Variants in CAST observed in about 807,000 individuals in gnomAD.
CAST encodes calpastatin.
In CAST, 76 loss-of-function variants were observed where a neutral mutation model predicts 119.6. That is an observed-to-expected ratio of 0.64 (90% confidence interval 0.53 to 0.77). The LOEUF (loss-of-function observed/expected upper bound fraction) is 0.77. Ranked by LOEUF, CAST falls within the 30% of genes least tolerant of loss-of-function variation. CAST has a pLI of 0.00. For missense variants in CAST, 953 were observed against 946.5 expected (o/e 1.01, Z -0.09); for synonymous variants, 319 against 331.6 (o/e 0.96, Z 0.41).
the CAST span, among the ~76,000 whole-genome samples, chr5:96,083,784 C>T: frequency 9.7e-4 from 148 of 152,296 alleles, no homozygotes; most frequent in African/African-American, 3.3e-3. Context: ...CTGTCAGCTG[C>T]TGCAGATGAA....
At position 96,770,622 on chromosome 5, in the gene CAST, T is replaced by G. The variant is rs753172662; in HGVS notation, c.2340+20T>G. On this transcript the variant is annotated intron_variant, in intron 30 of 31. Coordinates refer to ENST00000675179, the MANE Select transcript of CAST (RefSeq NM_001750.7). ...GCAAAGGTAAATGGAGCAGTAAATA[T>G]ACTACAAATTAGTTTAGCAGTTACA... The G allele has an allele frequency of 1.3e-6, 2 of 1,511,546 alleles. No homozygotes were observed. Among genetic ancestry groups the G allele is most frequent in the African/African-American group, 2.7e-5 (2 of 72,850 alleles). The allele number at this position is 1,511,546 out of a possible 1,614,324, so 93.6% of individuals were successfully genotyped here. A position where few individuals can be genotyped will look rare whatever the true frequency, so the allele number is the denominator to read the frequency against.
chr5:96,276,583 C>A, the CAST span, among the ~76,000 whole-genome samples: 1 of 152,140 alleles, frequency 6.6e-6, no homozygotes, highest in South Asian at 2.1e-4. Context: ...GCTTGGCCTC[C>A]AAATGGTCAG....
intron 16 of CAST, 115 bp from the exon 17 acceptor site, chr5:96,746,227 T>TG (rs1763723077): frequency 2.9e-6 from 2 of 691,538 alleles, no homozygotes; most frequent in East Asian, 5.2e-5. Flanking sequence ...CTCTTCCAGA[T>TG]GCTTTTACCA....
intron 3 of CAST, among the ~76,000 whole-genome samples, chr5:96,712,889 C>T (rs1204131621): frequency 6.6e-6 from 1 of 152,184 alleles, no homozygotes; most frequent in Non-Finnish European, 1.5e-5. Context: ...AGGCCCATCT[C>T]TCAGTCCTCA....
At chr5:96,646,642 T>C (rs1189942846) in intron 1 of CAST, among the ~76,000 whole-genome samples, 1 of 152,194 alleles carries the variant, frequency 6.6e-6, no homozygotes, top group East Asian at 1.9e-4. Context: ...TTATAAATAG[T>C]GGTTGCCTCT....
the CAST span, among the ~76,000 whole-genome samples, chr5:96,085,012 A>G: frequency 3.3e-5 from 5 of 152,208 alleles, no homozygotes; most frequent in Non-Finnish European, 1.5e-5. Flanking sequence ...TTGACTTTTA[A>G]TCTTTCTACC....
At chr5:96,394,807 A>C in the CAST span, 5 of 1,537,590 alleles carry the variant, frequency 3.3e-6, no homozygotes, top group African/African-American at 5.4e-5. Flanking sequence ...AGCTTCACTG[A>C]CTACATTGTC....
chr5:96,096,738 A>T, the CAST span, among the ~76,000 whole-genome samples: 1 of 152,178 alleles, frequency 6.6e-6, no homozygotes, highest in Admixed American at 6.5e-5. Context: ...CTGACTCCAG[A>T]TGGCCTCTAC....
the CAST span, among the ~76,000 whole-genome samples, chr5:96,260,114 A>G: frequency 6.6e-6 from 1 of 152,130 alleles, no homozygotes; most frequent in Non-Finnish European, 1.5e-5. Flanking sequence ...GGCTCCACCC[A>G]CAGAGATCCT....
chr5:96,718,159 C>G (rs1035250360), intron 3 of CAST, among the ~76,000 whole-genome samples: 1 of 152,042 alleles, frequency 6.6e-6, no homozygotes, highest in Non-Finnish European at 1.5e-5. Context: ...TACGGAGGCT[C>G]CAAGAGGTTA....
chr5:96,361,265 G>A, the CAST span, among the ~76,000 whole-genome samples: 2 of 152,206 alleles, frequency 1.3e-5, no homozygotes, highest in East Asian at 1.9e-4. Flanking sequence ...AGCTTGCTGG[G>A]CTCTGCGGGG....
the CAST span, among the ~76,000 whole-genome samples, chr5:96,112,400 TA>T: frequency 6.6e-6 from 1 of 152,142 alleles, no homozygotes; most frequent in Non-Finnish European, 1.5e-5. Flanking sequence ...TTACTGTAAA[TA>T]AAAAATGGAA....
At chr5:96,701,767 T>C (rs999665545) in intron 3 of CAST, among the ~76,000 whole-genome samples, 3 of 149,088 alleles carry the variant, frequency 2.0e-5, no homozygotes, top group African/African-American at 7.5e-5. Flanking sequence ...ATCACGTGAC[T>C]GCACTCCAGC....
At chr5:96,352,928 G>A in the CAST span, among the ~76,000 whole-genome samples, 1 of 152,212 alleles carries the variant, frequency 6.6e-6, no homozygotes, top group Non-Finnish European at 1.5e-5. Context: ...TGCCATGATT[G>A]TAAGTTTCCT....
At chr5:96,727,202 A>G (rs561715623) in intron 5 of CAST, among the ~76,000 whole-genome samples, 5 of 152,366 alleles carry the variant, frequency 3.3e-5, no homozygotes, top group Non-Finnish European at 7.3e-5. Context: ...ATGTGTTACC[A>G]TGTAAATAGT....
At chr5:96,178,996 C>T in the CAST span, among the ~76,000 whole-genome samples, 3 of 152,210 alleles carry the variant, frequency 2.0e-5, no homozygotes, top group African/African-American at 4.8e-5. Context: ...CCTCTTGACT[C>T]TCTTTTGCCC....
intron 1 of CAST, among the ~76,000 whole-genome samples, chr5:96,549,488 G>C (rs1746084433): frequency 6.6e-6 from 1 of 152,178 alleles, no homozygotes; most frequent in Admixed American, 6.5e-5. Flanking sequence ...ACAGAAGATG[G>C]GTGATTTCTG....
chr5:96,097,683 A>G, the CAST span, among the ~76,000 whole-genome samples: 39 of 152,188 alleles, frequency 2.6e-4, no homozygotes, highest in Non-Finnish European at 5.1e-4. Context: ...ATGGCTGCAT[A>G]GTATTCCATG....
chr5:96,111,810 T>C, the CAST span, among the ~76,000 whole-genome samples: 1 of 152,152 alleles, frequency 6.6e-6, no homozygotes, highest in Non-Finnish European at 1.5e-5. Context: ...ATTTGCTTTA[T>C]TTATTTATTT....
Sources: allele counts gnomAD v4.1 joint callset (sites outside exome capture counted in the v4.1 genomes callset), GRCh38; gene constraint gnomAD v4.1.1; transcripts MANE v1.5; gene names NCBI Gene and HGNC (gene_info 2026-07-23, HGNC 2026-07-21).